The following FOXP2 variants were observed in gnomAD, a reference collection of about 807,000 sequenced individuals.
The protein encoded by FOXP2 is forkhead box P2.
A neutral mutation model predicts 115.8 loss-of-function variants in FOXP2; 12 were observed. The ratio of observed to expected loss-of-function variants is 0.10; its 90% CI spans 0.07 to 0.17. The LOEUF is 0.17. Ranked by LOEUF, FOXP2 falls within the 10% of genes least tolerant of loss-of-function variation. FOXP2 has a pLI of 1.00. For synonymous variants in FOXP2, 328 were observed against 297.7 expected, an observed-to-expected ratio of 1.10 and a Z score of -1.05; for missense variants, 629 against 843.5, an observed-to-expected ratio of 0.75 and a Z score of 3.15.
chr7:114,628,985 C>A, intron 4 of FOXP2: 2 of 340,016 alleles, frequency 5.9e-6, no homozygotes, highest in Non-Finnish European at 5.6e-6. Context: ...CAAAAAAATG[C>A]AAAAATACTT....
chr7:114,213,206 A>G (rs979291186), intron 1 of FOXP2, among the ~76,000 whole-genome samples: 1 of 152,166 alleles, frequency 6.6e-6, no homozygotes, highest in Admixed American at 6.5e-5. Context: ...AGGTATTTCT[A>G]GAAATTGCCT....
chr7:114,498,254 A>G (rs1584811174), intron 2 of FOXP2, among the ~76,000 whole-genome samples: 1 of 152,276 alleles, frequency 6.6e-6, no homozygotes, highest in Non-Finnish European at 1.5e-5. Flanking sequence ...CATTTCATTT[A>G]CTGTGTTTAG....
intron 1 of FOXP2, among the ~76,000 whole-genome samples, chr7:114,117,304 C>A (rs1290712631): frequency 4.0e-5 from 6 of 151,128 alleles, no homozygotes; most frequent in Non-Finnish European, 8.8e-5. Flanking sequence ...TCACTGCAAT[C>A]TCTGCTTCCT....
rs1791375423 is a variant in FOXP2, at chr7:114,347,493, T to C, written c.-11+59384T>C. 2.6e-5 allele frequency among the ~76,000 whole-genome samples: 4 copies of C among 151,976 alleles called. No homozygotes were observed. In the South Asian group the frequency reaches 8.3e-4, roughly 31 times the overall value. On this transcript the variant is annotated intron_variant, in intron 2 of 17. Transcript: ENST00000634411. ...TAGTTAATGCTTTCACCCCAGCCAC[T>C]TTCACACTATGGCAACAGTTTCAAC...
intron 3 of FOXP2, among the ~76,000 whole-genome samples, chr7:114,591,174 A>G (rs1563020056): frequency 6.6e-6 from 1 of 152,148 alleles, no homozygotes; most frequent in Non-Finnish European, 1.5e-5. Flanking sequence ...TTTACTGTGT[A>G]TATGCTGGAC....
At chr7:114,172,860 G>T (rs764331375) in intron 1 of FOXP2, among the ~76,000 whole-genome samples, 41 of 151,936 alleles carry the variant, frequency 2.7e-4, no homozygotes, top group Non-Finnish European at 5.9e-5. Context: ...ATATTCAAAG[G>T]TAAAAACATA....
intron 1 of FOXP2, among the ~76,000 whole-genome samples, chr7:114,261,398 T>G (rs1192197171): frequency 6.6e-6 from 1 of 152,216 alleles, no homozygotes; most frequent in Non-Finnish European, 1.5e-5. Flanking sequence ...TTTATTTATG[T>G]TACCTCTGCA....
At chr7:114,170,177 G>T (rs1406188199) in intron 1 of FOXP2, among the ~76,000 whole-genome samples, 1 of 152,146 alleles carries the variant, frequency 6.6e-6, no homozygotes, top group South Asian at 2.1e-4. Flanking sequence ...GGTGAGCTGT[G>T]ATCGGTAATC....
intron 2 of FOXP2, among the ~76,000 whole-genome samples, chr7:114,448,192 G>T (rs1045629650): frequency 2.0e-5 from 3 of 151,992 alleles, no homozygotes; most frequent in African/African-American, 7.2e-5. Context: ...GCTGAGAAAC[G>T]CAGTCTCTAG....
At position 114,426,620 on chromosome 7, in the gene FOXP2, A is replaced by G; in HGVS notation, c.109A>G (p.Ser37Gly). ...LDAGSRDGRS[S>G]GDTSSEVSTV... Reference sequence around the variant, plus strand: ...TGCTGGCAGCAGAGATGGAAGATCAAGTGGTGACACCAGCTCTGAAGTAAG... The same window carrying G: ...TGCTGGCAGCAGAGATGGAAGATCAGGTGGTGACACCAGCTCTGAAGTAAG... Residue 37 changes from serine to glycine, a missense_variant, in exon 2 of 17, where the codon AGT becomes GGT. Transcript: ENST00000350908. The G allele has an allele frequency of 6.2e-7, 1 of 1,611,696 alleles. No homozygotes were observed. Among genetic ancestry groups the G allele is most frequent in the Non-Finnish European group, 8.5e-7 (1 of 1,178,410 alleles).
intron 3 of FOXP2, among the ~76,000 whole-genome samples, chr7:114,593,591 G>A (rs1474043596): frequency 6.6e-6 from 1 of 151,874 alleles, no homozygotes; most frequent in Non-Finnish European, 1.5e-5. Context: ...TACACTATTT[G>A]TATGTCTCTA....
At chr7:114,659,794 C>T in intron 13 of FOXP2, 121 bp downstream of exon 13, 1 of 782,506 alleles carries the variant, frequency 1.3e-6, no homozygotes, top group Non-Finnish European at 2.2e-6. Context: ...TAACCTGCCT[C>T]TTGAATGGAA....
chr7:114,295,135 G>A (rs1254583526), intron 2 of FOXP2, among the ~76,000 whole-genome samples: 1 of 152,086 alleles, frequency 6.6e-6, no homozygotes, highest in Non-Finnish European at 1.5e-5. Context: ...ATACAAAATA[G>A]AAAATATGGA....
intron 2 of FOXP2, among the ~76,000 whole-genome samples, chr7:114,534,122 C>CA (rs571121141): frequency 1.4e-3 from 216 of 151,706 alleles, no homozygotes; most frequent in Non-Finnish European, 2.6e-3. Flanking sequence ...ATTGTAAGTA[C>CA]AAAAAAAGTG....
chr7:114,161,654 G>GTATATATATATA (rs549643391), upstream of FOXP2, among the ~76,000 whole-genome samples: 376 of 151,540 alleles, frequency 2.5e-3, 3 homozygotes, highest in African/African-American at 8.7e-3. Context: ...GTGTGTGCGT[G>GTATATATATATA]TATATATATA....
At chr7:114,549,571 T>C (rs2129285954) in intron 3 of FOXP2, among the ~76,000 whole-genome samples, 2 of 152,318 alleles carry the variant, frequency 1.3e-5, no homozygotes, top group East Asian at 3.9e-4. Flanking sequence ...GACATGTTTG[T>C]CATCACTTCA....
chr7:114,500,722 C>T (rs1357706097), intron 2 of FOXP2, among the ~76,000 whole-genome samples: 1 of 152,082 alleles, frequency 6.6e-6, no homozygotes, highest in Non-Finnish European at 1.5e-5. Context: ...GAACATAAGC[C>T]TCTTTACTCC....
chr7:114,088,033 A>G (rs1310425249), intron 1 of FOXP2: 5 of 152,156 alleles, frequency 3.3e-5, no homozygotes, highest in Non-Finnish European at 7.3e-5. Flanking sequence ...ACCTAGACCC[A>G]TGTGTGTATT....
At chr7:114,601,315 T>C (rs1803014304) in intron 3 of FOXP2, among the ~76,000 whole-genome samples, 1 of 152,168 alleles carries the variant, frequency 6.6e-6, no homozygotes, top group Non-Finnish European at 1.5e-5. Context: ...TTCATCTTAC[T>C]GAATAAAAAT....
Sources: allele counts gnomAD v4.1 joint callset (sites outside exome capture counted in the v4.1 genomes callset), GRCh38; gene constraint gnomAD v4.1.1; transcripts MANE v1.5; gene names NCBI Gene and HGNC (gene_info 2026-07-23, HGNC 2026-07-21).